Variants in SERPINB8 observed in about 807,000 individuals in gnomAD.
SERPINB8 encodes the protein serpin family B member 8.
A neutral mutation model predicts 35.3 loss-of-function variants in SERPINB8; 25 were observed. That is an observed-to-expected ratio of 0.71 (90% CI 0.52 to 0.99). SERPINB8 has a LOEUF of 0.99. Among genes scored for constraint, SERPINB8 ranks in the 50% least tolerant of loss-of-function variants. The pLI, the probability that SERPINB8 is intolerant of heterozygous loss-of-function variation, is 0.00. For synonymous variants in SERPINB8, 186 were observed against 160.8 expected, an observed-to-expected ratio of 1.16 and a Z score of -1.19; for missense variants, 484 against 446.5, an observed-to-expected ratio of 1.08 and a Z score of -0.76.
At chr18:64,001,995 C>T (rs1044663478) in intron 1 of SERPINB8, among the ~76,000 whole-genome samples, 3 of 152,088 alleles carry the variant, frequency 2.0e-5, no homozygotes, top group Non-Finnish European at 4.4e-5. Context: ...TGCGGAGGCC[C>T]CTTGTGACCA....
intron 1 of SERPINB8, among the ~76,000 whole-genome samples, chr18:63,998,428 A>T (rs779509308): frequency 3.3e-5 from 5 of 152,182 alleles, no homozygotes; most frequent in Non-Finnish European, 5.9e-5. Flanking sequence ...GCTCTGTATC[A>T]TCTACAAGCC....
In SERPINB8 at chr18:63,987,381, A is replaced by G. The variant is rs2050778147; in HGVS notation, c.*103A>G. The G allele has an allele frequency of 8.4e-7, 1 of 1,188,410 alleles. No homozygotes were observed. The highest frequency in any genetic ancestry group is 1.5e-5 in the African/African-American group (1 of 65,620). The allele number at this position is 1,188,410 out of a possible 1,614,324, so 73.6% of individuals were successfully genotyped here. A position where few individuals can be genotyped will look rare whatever the true frequency, so the allele number is the denominator to read the frequency against. ...GTGCAGTGGCTTGAATGCCAAAATA[A>G]AGCGTGTGCACTGGATAGTGTGTGA... On this transcript the variant is annotated 3_prime_UTR_variant, in exon 7 of 7. Coordinates refer to ENST00000397985, the MANE Select transcript of SERPINB8 (RefSeq NM_002640.4).
intron 7 of SERPINB8, among the ~76,000 whole-genome samples, chr18:64,018,462 G>C (rs965608679): frequency 2.6e-5 from 4 of 152,136 alleles, no homozygotes; most frequent in Admixed American, 2.0e-4. Context: ...TACTCATCTA[G>C]TTTTATTCTG....
intron 1 of SERPINB8, among the ~76,000 whole-genome samples, chr18:63,973,000 A>T (rs1489699846): frequency 6.6e-6 from 1 of 152,226 alleles, no homozygotes; most frequent in Non-Finnish European, 1.5e-5. Flanking sequence ...CTTTGGGTGT[A>T]TACCCAGTAA....
chr18:63,986,613 T>G, intron 6 of SERPINB8: 11 of 1,324,020 alleles, frequency 8.3e-6, no homozygotes, highest in Non-Finnish European at 1.1e-5. Context: ...TGAAAGGAGT[T>G]AGGTACAAAT....
exon 8 of SERPINB8, chr18:64,019,389 C>G (rs1279312373): frequency 6.6e-6 from 1 of 152,296 alleles, no homozygotes; most frequent in Non-Finnish European, 1.5e-5. Context: ...TAATTCAAGT[C>G]CTCATCATTT....
rs1441123498 is a variant in SERPINB8, at chr18:63,987,509, G to A, written c.*231G>A. The A allele has an allele frequency of 7.8e-6, 4 of 511,364 alleles. No homozygotes were observed. Among genetic ancestry groups the A allele is most frequent in the African/African-American group, 1.9e-5 (1 of 51,680 alleles). The allele number at this position is 511,364 out of a possible 1,614,324, so 31.7% of individuals were successfully genotyped here. A position where few individuals can be genotyped will look rare whatever the true frequency, so the allele number is the denominator to read the frequency against. ...ATGCTGGTTTTGGAGTGTTTGGGGT[G>A]CCTGCCATTGCCTCTGCCTTCACCT... On this transcript the variant is annotated 3_prime_UTR_variant, in exon 7 of 7. Coordinates refer to ENST00000397985, the MANE Select transcript of SERPINB8 (RefSeq NM_002640.4).
intron 1 of SERPINB8, among the ~76,000 whole-genome samples, chr18:64,000,782 C>G (rs573700691): frequency 4.0e-4 from 61 of 152,202 alleles, no homozygotes; most frequent in Non-Finnish European, 7.8e-4. Flanking sequence ...ATCTCCCTCT[C>G]TCCCCTGCCC....
downstream of SERPINB8, among the ~76,000 whole-genome samples, chr18:64,007,412 C>A (rs1415405911): frequency 6.6e-6 from 1 of 152,106 alleles, no homozygotes; most frequent in Non-Finnish European, 1.5e-5. Context: ...AAGAGATGAT[C>A]TACATTTACA....
At chr18:64,000,500 C>T (rs1485443696) in intron 1 of SERPINB8, among the ~76,000 whole-genome samples, 1 of 152,184 alleles carries the variant, frequency 6.6e-6, no homozygotes, top group Non-Finnish European at 1.5e-5. Context: ...ATCTGCCCTT[C>T]TCCCACCAGA....
chr18:64,008,954 A>G (rs1163546933), downstream of SERPINB8, among the ~76,000 whole-genome samples: 2 of 152,176 alleles, frequency 1.3e-5, no homozygotes, highest in Non-Finnish European at 2.9e-5. Context: ...GAGAGGATTT[A>G]ATCAGTATAT....
chr18:63,989,510 T>TA (rs367604298), downstream of SERPINB8: 1 of 152,232 alleles, frequency 6.6e-6, no homozygotes, highest in African/African-American at 2.4e-5. Context: ...TTGTATCATT[T>TA]AACATTCCCA....
rs541698941 is a variant in SERPINB8 at position 64,002,824 on chromosome 18, C to T, written c.71-1995C>T. Among the ~76,000 whole-genome samples, 33 of 152,280 alleles carry T rather than the reference C, an allele frequency of 2.2e-4. No individual in the cohort carries two copies. The South Asian group carries it at 4.1e-3, about 19-fold the overall frequency. On this transcript the variant is annotated intron_variant, in intron 1 of 1. Transcript: ENST00000493661. ...GGTCCGCCCTCGGTGCCGACTCGTG[C>T]CCCACCGCCGCCTGCAGTCGCCGCC...
Position 63,986,879 on chromosome 18 carries a change from A to G in SERPINB8, c.726A>G (p.Glu242=), listed in dbSNP as rs1172393476. ...PDDNTDLAVV[E]KALTYEKFKA... ...TTGAGTCTTTCTTATCCTAGGTGGA[A>G]AAAGCACTTACATATGAGAAATTCA... The change falls in exon 7 of 7, where the codon GAA becomes GAG. Residue 242 remains glutamate (E), a synonymous_variant. Coordinates refer to ENST00000397985, the MANE Select transcript of SERPINB8 (RefSeq NM_002640.4). The G allele has an allele frequency of 6.2e-7, 1 of 1,604,690 alleles. No individual in the cohort carries two copies. Among genetic ancestry groups the G allele is most frequent in the Admixed American group, 1.7e-5 (1 of 58,066 alleles).
downstream of SERPINB8, among the ~76,000 whole-genome samples, chr18:64,006,079 G>A (rs1277468419): frequency 6.6e-6 from 1 of 152,146 alleles, no homozygotes; most frequent in Non-Finnish European, 1.5e-5. Flanking sequence ...AGATTTACAT[G>A]TCCAAGGAAC....
intron 1 of SERPINB8, chr18:63,970,595 G>T (rs1340919944): frequency 6.6e-6 from 1 of 152,484 alleles, no homozygotes; most frequent in East Asian, 1.9e-4. Context: ...AAGCTTGGGC[G>T]GGAGCCCCGG....
chr18:63,990,488 CT>C (rs554053029), downstream of SERPINB8, among the ~76,000 whole-genome samples: 2,701 of 148,300 alleles, frequency 0.018, 35 homozygotes, highest in South Asian at 0.037. Flanking sequence ...ATTTTCATTT[CT>C]TTTTTTTTTC....
intron 5 of SERPINB8, among the ~76,000 whole-genome samples, chr18:63,984,292 A>G (rs1490732316): frequency 6.6e-6 from 1 of 152,214 alleles, no homozygotes; most frequent in East Asian, 1.9e-4. Context: ...TTTGGATTGG[A>G]GGAGAATTTC....
At chr18:64,003,627 C>T (rs180884125) in intron 1 of SERPINB8, among the ~76,000 whole-genome samples, 1 of 151,872 alleles carries the variant, frequency 6.6e-6, no homozygotes, top group African/African-American at 2.4e-5. Flanking sequence ...AGTAAGCAAG[C>T]TGGAGATTCA....
Sources: gnomAD v4.1 joint callset for allele counts (sites outside exome capture counted in the v4.1 genomes callset) on GRCh38, gnomAD v4.1.1 for gene constraint, MANE v1.5 for transcripts, NCBI Gene and HGNC (gene_info 2026-07-23, HGNC 2026-07-21) for gene names.